MYO18B: variants seen among roughly 807,000 people sequenced by gnomAD.
MYO18B encodes unconventional myosin-XVIIIb.
In MYO18B, 204 loss-of-function variants were observed where a neutral mutation model predicts 273.0. The observed-to-expected ratio is 0.75, with a 90% confidence interval of 0.67 to 0.84. The LOEUF is 0.84. Ranked by LOEUF, MYO18B falls within the 40% of genes least tolerant of loss-of-function variation. MYO18B has a pLI of 0.00. For missense variants in MYO18B, 3,212 were observed against 3,287.6 expected (o/e 0.98, Z 0.56); for synonymous variants, 1,330 against 1,305.7 (o/e 1.02, Z -0.40).
At chr22:26,022,366 C>T (rs142335228) in intron 42 of MYO18B, among the ~76,000 whole-genome samples, 3 of 152,128 alleles carry the variant, frequency 2.0e-5, no homozygotes, top group Non-Finnish European at 4.4e-5. Context: ...GATGATCATC[C>T]AGCCTCACTC....
chr22:25,755,746 CCTCT>C (rs1370847072), intron 1 of MYO18B, among the ~76,000 whole-genome samples: 6 of 152,116 alleles, frequency 3.9e-5, no homozygotes, highest in African/African-American at 1.2e-4. Flanking sequence ...TTCCCTCCTC[CCTCT>C]CTCTGTCTCT....
intron 11 of MYO18B, among the ~76,000 whole-genome samples, chr22:25,796,038 C>A (rs2087892980): frequency 6.6e-6 from 1 of 152,186 alleles, no homozygotes; most frequent in Non-Finnish European, 1.5e-5. Context: ...CCCAAGTTCT[C>A]TAAGCAGGCC....
rs201635679 is a variant in MYO18B, at chr22:25,777,590, A to G, written c.1877A>G (p.Lys626Arg). 1.4e-4 allele frequency: 215 copies of G among 1,588,900 alleles called. No homozygotes were observed. The highest frequency in any genetic ancestry group is 1.8e-4 in the Non-Finnish European group (208 of 1,168,090). ...CCTGTGATCTTCCTGCAGGTGCCCAAGGGCCGCCGGGATGGCCTGCCTGCC... is the reference window on the plus strand; with the variant it reads ...CCTGTGATCTTCCTGCAGGTGCCCAGGGGCCGCCGGGATGGCCTGCCTGCC... ...PSVPSAGKVP[K>R]GRRDGLPAHI... is the part of the protein sequence containing the mutation. Residue 626 changes from lysine (K) to arginine (R), a missense_variant, in exon 8 of 44, where the codon AAG (lysine) becomes AGG (arginine). Coordinates refer to ENST00000335473, the MANE Select transcript of MYO18B (RefSeq NM_032608.7).
the MYO18B span, among the ~76,000 whole-genome samples, chr22:26,040,814 G>A: frequency 2.0e-5 from 3 of 152,096 alleles, no homozygotes; most frequent in Non-Finnish European, 4.4e-5. Flanking sequence ...AGTGGGTGAG[G>A]AATGGTGGAC....
At chr22:25,806,997 A>T (rs182849749) in intron 12 of MYO18B, among the ~76,000 whole-genome samples, 53 of 152,368 alleles carry the variant, frequency 3.5e-4, no homozygotes, top group South Asian at 1.7e-3. Context: ...CATACGAGGT[A>T]TTCAGTAAGC....
In MYO18B at chr22:26,004,725, G is replaced by A. The variant is rs747128430; in HGVS notation, c.6340G>A (p.Val2114Ile). 40 of 1,613,476 alleles carry A rather than the reference G, an allele frequency of 2.5e-5. No individual in the cohort carries two copies. The highest frequency in any genetic ancestry group is 3.3e-5 in the South Asian group (3 of 91,018). The change falls in exon 42 of 44, where the codon GTC becomes ATC. Residue 2114 changes from valine (V) to isoleucine (I), a missense_variant. Physicochemically the swap from Val to Ile is conservative, Grantham distance 29. Coordinates refer to ENST00000335473, the MANE Select transcript of MYO18B (RefSeq NM_032608.7). ...CCTGCAATCTTATTCTAGGGATAAC[G>A]TCTCCATCCTCAGCTCCCAGCCAGA... ...GSSGRKEMDN[V>I]SILSSQPEGS... is the part of the protein sequence containing the mutation.
At chr22:25,763,792 G>A (rs133887) in intron 3 of MYO18B, among the ~76,000 whole-genome samples, 37,199 of 152,098 alleles carry the variant, frequency 0.24, 4,829 homozygotes, top group African/African-American at 0.32. Context: ...AGTTTGTTTA[G>A]TGAATGAATA....
intron 20 of MYO18B, among the ~76,000 whole-genome samples, chr22:25,850,726 C>T (rs2090401269): frequency 6.6e-6 from 1 of 152,158 alleles, no homozygotes; most frequent in South Asian, 2.1e-4. Context: ...AACGCACCAC[C>T]ACGACTGGCA....
intron 39 of MYO18B, among the ~76,000 whole-genome samples, chr22:25,968,790 C>T (rs2093005710): frequency 6.6e-6 from 1 of 152,154 alleles, no homozygotes; most frequent in Non-Finnish European, 1.5e-5. Flanking sequence ...CTCACTTTCT[C>T]TCTCTGTAAA....
intron 17 of MYO18B, among the ~76,000 whole-genome samples, chr22:25,840,591 G>A (rs1363631436): frequency 1.3e-5 from 2 of 152,266 alleles, no homozygotes; most frequent in Non-Finnish European, 2.9e-5. Flanking sequence ...CACAGCTGGC[G>A]GGATGAGGTG....
chr22:25,990,919 C>T (rs1035350799), intron 39 of MYO18B, among the ~76,000 whole-genome samples: 6 of 152,056 alleles, frequency 3.9e-5, no homozygotes, highest in Admixed American at 2.6e-4. Context: ...TAATTAGAGC[C>T]GGTTACAAGA....
At chr22:25,824,204 C>T (rs1569072349) in intron 13 of MYO18B, among the ~76,000 whole-genome samples, 2 of 152,130 alleles carry the variant, frequency 1.3e-5, no homozygotes, top group African/African-American at 2.4e-5. Flanking sequence ...TTAAGAAGCT[C>T]AGCCTGGATG....
chr22:25,863,047 C>G (rs1438660373), intron 21 of MYO18B, among the ~76,000 whole-genome samples: 1 of 152,090 alleles, frequency 6.6e-6, no homozygotes, highest in Non-Finnish European at 1.5e-5. Context: ...TTCTATTGAT[C>G]TATTTTCAAG....
rs1001867210 is a variant in MYO18B, at chr22:25,751,904, G to T, written c.-109-9080G>T. On this transcript the variant is annotated intron_variant, in intron 1 of 43. Coordinates refer to ENST00000335473, the MANE Select transcript of MYO18B (RefSeq NM_032608.7). ...GTAAAGGGAAAGTGAAAATCTGATT[G>T]AGAGAGGTTACCAGGGATCCAGCAC... 5.3e-4 allele frequency among the ~76,000 whole-genome samples: 80 copies of T among 152,286 alleles called. 1 individual carries two copies. The highest frequency in any genetic ancestry group is 1.9e-3 in the African/African-American group (77 of 41,558).
intron 42 of MYO18B, among the ~76,000 whole-genome samples, chr22:26,005,151 T>C (rs1934318813): frequency 6.6e-6 from 1 of 152,242 alleles, no homozygotes. Context: ...GTTTTCCAGA[T>C]TTTTAAATAG....
At chr22:25,986,488 T>G (rs184227001) in intron 39 of MYO18B, among the ~76,000 whole-genome samples, 1 of 152,328 alleles carries the variant, frequency 6.6e-6, no homozygotes, top group Admixed American at 6.5e-5. Context: ...CTATAGTACT[T>G]GACTCTGAGG....
At chr22:26,031,591 C>G (rs980222406), downstream of MYO18B, among the ~76,000 whole-genome samples, 2 of 152,170 alleles carry the variant, frequency 1.3e-5, no homozygotes, top group Non-Finnish European at 2.9e-5. Context: ...TTATGAAGTA[C>G]TGCGGGTTAG....
chr22:26,006,991 C>T (rs1483279832), intron 42 of MYO18B, among the ~76,000 whole-genome samples: 1 of 152,132 alleles, frequency 6.6e-6, no homozygotes, highest in Non-Finnish European at 1.5e-5. Flanking sequence ...GCCCCTCAGG[C>T]AAGGTGGGTC....
At chr22:26,014,999 G>A (rs1935196628) in intron 42 of MYO18B, among the ~76,000 whole-genome samples, 1 of 151,206 alleles carries the variant, frequency 6.6e-6, no homozygotes, top group African/African-American at 2.4e-5. Context: ...CTCCCATTCT[G>A]TAGGTTGTCT....
Sources: allele counts gnomAD v4.1 joint callset (sites outside exome capture counted in the v4.1 genomes callset), GRCh38; gene constraint gnomAD v4.1.1; transcripts MANE v1.5; gene names NCBI Gene and HGNC (gene_info 2026-07-23, HGNC 2026-07-21).